EPC1: variants seen among roughly 807,000 people sequenced by gnomAD.
EPC1 encodes enhancer of polycomb 1.
A neutral mutation model predicts 98.4 loss-of-function variants in EPC1; 12 were observed. The observed-to-expected ratio is 0.12, with a 90% CI of 0.08 to 0.20. The LOEUF (loss-of-function observed/expected upper bound fraction) is 0.20. EPC1 is among the 10% of genes least tolerant of loss of function. The pLI is 1.00. For missense variants in EPC1, 729 were observed against 990.5 expected (o/e 0.74, Z 3.54); for synonymous variants, 357 against 363.9 (o/e 0.98, Z 0.21).
rs1835923452 is a variant in EPC1, at chr10:32,307,159, T to G, written c.154-1228A>C. On this transcript the variant is annotated intron_variant, in intron 1 of 13. Coordinates refer to ENST00000319778, the MANE Select transcript of EPC1 (RefSeq NM_001272004.3). The stretch of plus-strand genomic sequence containing the variant: ...TACATTCCTTACAATAGCTGCATTA[T>G]ATTCCACTATATGGACTTACCAAAT... Among the ~76,000 whole-genome samples, 4 of 152,320 alleles carry G rather than the reference T, an allele frequency of 2.6e-5. No individual in the cohort carries two copies. The South Asian group carries it at 8.3e-4, about 32-fold the overall frequency.
intron 9 of EPC1, chr10:32,286,176 C>A (rs1406466942): frequency 6.6e-6 from 1 of 152,572 alleles, no homozygotes; most frequent in Non-Finnish European, 1.5e-5. Context: ...TGTTTCCTGT[C>A]CCCATACAAG....
intron 10 of EPC1, among the ~76,000 whole-genome samples, chr10:32,275,814 G>C (rs1420919110): frequency 6.6e-6 from 1 of 151,764 alleles, no homozygotes; most frequent in East Asian, 1.9e-4. Flanking sequence ...GCTGGGTGTG[G>C]TAGTCCCAGC....
chr10:32,353,597 A>G, intron 1 of EPC1, among the ~76,000 whole-genome samples: 1 of 152,244 alleles, frequency 6.6e-6, no homozygotes. Context: ...CTAAGGCAAG[A>G]CAGTTTGTGT....
intron 1 of EPC1, among the ~76,000 whole-genome samples, chr10:32,338,647 T>C (rs1838128339): frequency 6.6e-6 from 1 of 152,154 alleles, no homozygotes; most frequent in African/African-American, 2.4e-5. Context: ...TGTAGGTCTC[T>C]CTGGATTATT....
chr10:32,308,946 C>T (rs2132837299), intron 1 of EPC1, among the ~76,000 whole-genome samples: 1 of 152,268 alleles, frequency 6.6e-6, no homozygotes, highest in Non-Finnish European at 1.5e-5. Flanking sequence ...GAATATTATT[C>T]AGCCATAAAA....
chr10:32,321,864 AT>A (rs773108932), intron 1 of EPC1, among the ~76,000 whole-genome samples: 1 of 151,796 alleles, frequency 6.6e-6, no homozygotes, highest in Non-Finnish European at 1.5e-5. Flanking sequence ...TCAGGGGAAG[AT>A]TCAGAATACT....
chr10:32,270,821 CAAAAAAA>C (rs55931034), intron 13 of EPC1, among the ~76,000 whole-genome samples: 613 of 57,998 alleles, frequency 0.011, 6 homozygotes, highest in African/African-American at 0.04. Context: ...GACTCGGTCT[CAAAAAAA>C]AAAAAAAAAA....
At chr10:32,364,014 T>C (rs900229924) in intron 1 of EPC1, among the ~76,000 whole-genome samples, 4 of 130,160 alleles carry the variant, frequency 3.1e-5, no homozygotes, top group African/African-American at 2.9e-5. Flanking sequence ...TTTTTTTTTT[T>C]TTTTTTTTTT....
intron 1 of EPC1, among the ~76,000 whole-genome samples, chr10:32,341,811 C>T (rs1394184882): frequency 6.6e-6 from 1 of 152,198 alleles, no homozygotes; most frequent in African/African-American, 2.4e-5. Context: ...TGAGATAAAA[C>T]CAAAATGACT....
intron 1 of EPC1, among the ~76,000 whole-genome samples, chr10:32,324,891 G>A (rs1564547679): frequency 2.0e-5 from 3 of 152,260 alleles, no homozygotes; most frequent in South Asian, 2.1e-4. Context: ...CACTTGCGAG[G>A]CTGAGGCAGG....
At chr10:32,356,338 C>T (rs1305023366) in intron 1 of EPC1, among the ~76,000 whole-genome samples, 3 of 152,010 alleles carry the variant, frequency 2.0e-5, no homozygotes, top group South Asian at 4.2e-4. Context: ...AATCTAGTTC[C>T]CCTTCCCTTT....
intron 13 of EPC1, among the ~76,000 whole-genome samples, chr10:32,270,550 CGTGGTGG>C (rs1564515881): frequency 2.0e-5 from 3 of 152,072 alleles, no homozygotes; most frequent in African/African-American, 7.2e-5. Context: ...TAACGCCGGG[CGTGGTGG>C]CTCATGCCTG....
intron 1 of EPC1, among the ~76,000 whole-genome samples, chr10:32,326,395 G>A (rs1325021993): frequency 6.6e-6 from 1 of 152,102 alleles, no homozygotes; most frequent in Non-Finnish European, 1.5e-5. Context: ...GGCTTGAGAT[G>A]TTTACTGCTG....
chr10:32,372,161 A>G (rs778874170), intron 1 of EPC1, among the ~76,000 whole-genome samples: 4 of 152,268 alleles, frequency 2.6e-5, no homozygotes, highest in South Asian at 2.1e-4. Flanking sequence ...TCATCTGGGA[A>G]CTAAGAAATG....
intron 10 of EPC1, among the ~76,000 whole-genome samples, chr10:32,278,532 C>T (rs1269282450): frequency 3.4e-5 from 5 of 146,660 alleles, no homozygotes; most frequent in African/African-American, 1.3e-4. Context: ...CAGGCGCCCG[C>T]CACTACGCCC....
At chr10:32,310,766 CG>C (rs1439675568) in intron 1 of EPC1, among the ~76,000 whole-genome samples, 3 of 151,744 alleles carry the variant, frequency 2.0e-5, no homozygotes, top group African/African-American at 7.3e-5. Flanking sequence ...CCCAGCTACT[CG>C]GGAGGCTGAA....
At chr10:32,321,812 T>G (rs76467481) in intron 1 of EPC1, among the ~76,000 whole-genome samples, 23,651 of 151,738 alleles carry the variant, frequency 0.16, 2,132 homozygotes, top group South Asian at 0.33. Context: ...CCTTCTTGTC[T>G]TCTTCTGCCT....
intron 2 of EPC1, among the ~76,000 whole-genome samples, chr10:32,302,932 T>G (rs1178672238): frequency 3.3e-5 from 5 of 152,024 alleles, no homozygotes; most frequent in Non-Finnish European, 5.9e-5. Flanking sequence ...GGAAACAGTG[T>G]GGAAACAGTG....
intron 1 of EPC1, among the ~76,000 whole-genome samples, chr10:32,335,728 C>T (rs2132995839): frequency 6.6e-6 from 1 of 152,290 alleles, no homozygotes; most frequent in African/African-American, 2.4e-5. Context: ...ACAGAATTTA[C>T]ATGGATAATG....
Sources: gnomAD v4.1 joint callset for allele counts (sites outside exome capture counted in the v4.1 genomes callset) on GRCh38, gnomAD v4.1.1 for gene constraint, MANE v1.5 for transcripts, NCBI Gene and HGNC (gene_info 2026-07-23, HGNC 2026-07-21) for gene names.